The following UBOX5 variants were observed in gnomAD, a reference collection of about 807,000 sequenced individuals.
UBOX5 encodes RING finger protein 37.
Under a neutral mutation model 39.0 loss-of-function variants are expected in UBOX5, and 28 were observed. The ratio of observed to expected loss-of-function variants is 0.72; its 90% CI spans 0.53 to 0.98. The LOEUF is 0.98. Ranked by LOEUF, UBOX5 falls within the 50% of genes least tolerant of loss-of-function variation. The probability of loss-of-function intolerance (pLI) is 0.00; values close to 1 mark genes in which losing one functional copy is unlikely to be tolerated. For missense variants in UBOX5, 585 were observed against 674.4 expected (o/e 0.87, Z 1.47); for synonymous variants, 283 against 275.5 (o/e 1.03, Z -0.27).
intron 1 of UBOX5, among the ~76,000 whole-genome samples, chr20:3,133,742 T>C (rs983753907): frequency 7.6e-6 from 1 of 131,316 alleles, no homozygotes; most frequent in Non-Finnish European, 1.7e-5. Context: ...GCTCTTTTTT[T>C]TTCTTATTTT....
chr20:3,118,596 C>A (rs935111764), intron 3 of UBOX5, among the ~76,000 whole-genome samples: 3 of 151,888 alleles, frequency 2.0e-5, no homozygotes, highest in African/African-American at 7.3e-5. Context: ...CAGTGAAACC[C>A]CGTCTCTACT....
chr20:3,130,270 C>T (rs1220656358), intron 1 of UBOX5, among the ~76,000 whole-genome samples: 32 of 137,732 alleles, frequency 2.3e-4, no homozygotes, highest in Non-Finnish European at 4.8e-4. Context: ...AATAAATAAA[C>T]AAACAAAGAG....
chr20:3,148,272 T>C lies in UBOX5; in HGVS notation c.-42+11494A>G, dbSNP rs1375467661. On this transcript the variant is annotated intron_variant, in intron 1 of 4. Coordinates refer to ENST00000217173, the MANE Select transcript of UBOX5 (RefSeq NM_014948.4). ...TCCTTCCAGTGCAAATTAAGATAAC[T>C]AGAAAAAATGTTTAAAAACCTAGGT... The C allele has an allele frequency of 1.9e-6, 3 of 1,611,000 alleles. No homozygotes were observed. The highest frequency in any genetic ancestry group is 2.5e-6 in the Non-Finnish European group (3 of 1,179,346).
intron 1 of UBOX5, among the ~76,000 whole-genome samples, chr20:3,152,100 CAAAAAAAAAAA>C: frequency 1.6e-5 from 1 of 62,886 alleles, no homozygotes; most frequent in African/African-American, 5.1e-5. Flanking sequence ...GACTCTGTCT[CAAAAAAAAAAA>C]AAAAAAAAAA....
At chr20:3,131,261 T>G (rs1012899048) in intron 1 of UBOX5, among the ~76,000 whole-genome samples, 2 of 152,012 alleles carry the variant, frequency 1.3e-5, no homozygotes, top group Non-Finnish European at 2.9e-5. Context: ...TCTTTGAACA[T>G]AATGTTGATT....
At position 3,122,190 on chromosome 20, in the gene UBOX5, G is replaced by A. The variant is rs1015421343; in HGVS notation, c.449C>T (p.Pro150Leu). 6.2e-7 allele frequency: 1 copy of A among 1,614,152 alleles called. No individual in the cohort carries two copies. The highest frequency in any genetic ancestry group is 1.3e-5 in the African/African-American group (1 of 75,010). ...CTCCTGGGCCACAACAGCAGGGGAG[G>A]GGAGTGTGGCTTCCATCGCGCCAAA... ...PPFGAMEATL[P>L]SPAVVAQELW... The change falls in exon 3 of 5, where the codon CCC becomes CTC. Residue 150 changes from proline (P) to leucine (L), a missense_variant. By Grantham distance (98) the Pro-to-Leu change is moderately conservative. Coordinates refer to ENST00000217173, the MANE Select transcript of UBOX5 (RefSeq NM_014948.4).
chr20:3,138,312 C>T (rs915955819), intron 1 of UBOX5, among the ~76,000 whole-genome samples: 7 of 151,426 alleles, frequency 4.6e-5, no homozygotes, highest in Non-Finnish European at 1.0e-4. Flanking sequence ...GTATTATGAT[C>T]ATACATTTGT....
intron 1 of UBOX5, among the ~76,000 whole-genome samples, chr20:3,127,472 A>T (rs2066399795): frequency 6.6e-6 from 1 of 152,190 alleles, no homozygotes; most frequent in Non-Finnish European, 1.5e-5. Context: ...CATGGTTTTC[A>T]TATATGCTAA....
intron 4 of UBOX5, chr20:3,110,796 G>A (rs978019854): frequency 1.0e-4 from 18 of 178,304 alleles, no homozygotes; most frequent in Non-Finnish European, 1.7e-4. Flanking sequence ...CCAGGAGTTC[G>A]AGACCAGCCT....
In UBOX5 at chr20:3,149,739, G is replaced by A. The variant is rs2066605129; in HGVS notation, c.-42+10027C>T. ...TGGTATAAAAGATAATTAGTTGGCT[G>A]GGTGTGGGTGGCTCATGCCTGTAAT... On this transcript the variant is annotated intron_variant, in intron 1 of 4. Coordinates refer to ENST00000217173, the MANE Select transcript of UBOX5 (RefSeq NM_014948.4). The surrounding 1 kb of genome is among the most constrained non-coding windows in gnomAD (Gnocchi z 4.1). Among the ~76,000 whole-genome samples, 1 of 152,198 alleles carries A rather than the reference G, an allele frequency of 6.6e-6. No individual in the cohort carries two copies. The highest frequency in any genetic ancestry group is 1.5e-5 in the Non-Finnish European group (1 of 68,050).
chr20:3,157,788 T>C (rs1052942729), intron 1 of UBOX5, among the ~76,000 whole-genome samples: 2 of 152,246 alleles, frequency 1.3e-5, no homozygotes, highest in Non-Finnish European at 2.9e-5. Context: ...CAAGTACCTA[T>C]AACTGTTAGC....
Position 3,108,900 on chromosome 20 carries a change from T to G in UBOX5, c.*1206A>C, listed in dbSNP as rs2066231027. The G allele has an allele frequency of 7.0e-6, 1 of 143,130 alleles. No homozygotes were observed. The highest frequency in any genetic ancestry group is 2.6e-5 in the African/African-American group (1 of 38,080). The allele number at this position is 143,130 out of a possible 1,614,324, so 8.9% of individuals were successfully genotyped here. ...ATGAGTTATGATTGCACCACTGCCC[T>G]CAAGCTTGGGCAACAGAGACCAACC... On this transcript the variant is annotated 3_prime_UTR_variant, in exon 5 of 5. Transcript: ENST00000217173.
At chr20:3,145,430 GC>G (rs140723633) in intron 1 of UBOX5, among the ~76,000 whole-genome samples, 136,113 of 141,114 alleles carry the variant, frequency 0.96, 65,702 homozygotes, top group South Asian at 0.98. Context: ...ACCACACTTG[GC>G]CTTTTTTTCC....
intron 1 of UBOX5, among the ~76,000 whole-genome samples, chr20:3,158,756 G>C (rs2066716329): frequency 6.6e-6 from 1 of 152,378 alleles, no homozygotes; most frequent in Non-Finnish European, 1.5e-5. Context: ...TTACAGGCGT[G>C]AGCCACTGTG....
chr20:3,125,908 G>A (rs2066384093), intron 1 of UBOX5, among the ~76,000 whole-genome samples: 1 of 150,926 alleles, frequency 6.6e-6, no homozygotes, highest in Non-Finnish European at 1.5e-5. Flanking sequence ...GAGCGCCTCT[G>A]CCCAGCCGCC....
At chr20:3,143,556 G>A (rs1306486234) in intron 1 of UBOX5, among the ~76,000 whole-genome samples, 1 of 152,164 alleles carries the variant, frequency 6.6e-6, no homozygotes, top group Non-Finnish European at 1.5e-5. Context: ...AGCACTTTGG[G>A]AGGCCGAGGT....
intron 1 of UBOX5, chr20:3,156,836 T>G (rs2066691320): frequency 6.6e-6 from 1 of 152,200 alleles, no homozygotes; most frequent in South Asian, 2.1e-4. Context: ...AATTTACCAC[T>G]TACCAGATCT....
intron 1 of UBOX5, among the ~76,000 whole-genome samples, chr20:3,152,359 C>A (rs2148625081): frequency 6.6e-6 from 1 of 151,574 alleles, no homozygotes; most frequent in African/African-American, 2.4e-5. Context: ...TGGGCGCCTG[C>A]AATTGCAGCT....
At chr20:3,123,469 T>A in intron 1 of UBOX5, 63 bp from the exon 2 acceptor site, 1 of 1,249,800 alleles carries the variant, frequency 8.0e-7, no homozygotes. Flanking sequence ...CTTTCAGAAG[T>A]TGATTCTTAA....
Sources: allele counts gnomAD v4.1 joint callset (sites outside exome capture counted in the v4.1 genomes callset), GRCh38; gene constraint gnomAD v4.1.1; non-coding constraint Gnocchi (gnomAD v3.1); transcripts MANE v1.5; gene names NCBI Gene and HGNC (gene_info 2026-07-23, HGNC 2026-07-21).